The following SUGCT variants were observed in gnomAD, a reference collection of about 807,000 sequenced individuals.
SUGCT encodes succinyl-CoA:glutarate CoA-transferase.
A neutral mutation model predicts 55.0 loss-of-function variants in SUGCT; 41 were observed. The observed-to-expected ratio is 0.74, with a 90% CI of 0.58 to 0.97. The LOEUF is 0.97. Ranked by LOEUF, SUGCT falls within the 50% of genes least tolerant of loss-of-function variation. The pLI, the probability that SUGCT is intolerant of heterozygous loss-of-function variation, is 0.00. For missense variants in SUGCT, 568 were observed against 547.8 expected (o/e 1.04, Z -0.37); for synonymous variants, 187 against 200.4 (o/e 0.93, Z 0.56).
At chr7:40,899,475 C>G in the SUGCT span, among the ~76,000 whole-genome samples, 1 of 152,152 alleles carries the variant, frequency 6.6e-6, no homozygotes, top group Non-Finnish European at 1.5e-5. Flanking sequence ...AGACACGCGA[C>G]TCAAGAGGCA....
chr7:40,137,560 T>A (rs539075865), intron 1 of SUGCT, among the ~76,000 whole-genome samples: 19 of 152,354 alleles, frequency 1.2e-4, no homozygotes, highest in African/African-American at 4.3e-4. Context: ...TTTATTAAAA[T>A]TCAAAAGCCA....
At chr7:40,765,269 T>C (rs1252448415) in intron 13 of SUGCT, among the ~76,000 whole-genome samples, 3 of 152,126 alleles carry the variant, frequency 2.0e-5, no homozygotes, top group South Asian at 4.1e-4. Context: ...AACTGTGGAC[T>C]CTCCAAACCA....
At chr7:41,032,786 A>T in the SUGCT span, among the ~76,000 whole-genome samples, 2,847 of 152,270 alleles carry the variant, frequency 0.019, 93 homozygotes, top group South Asian at 0.16. Flanking sequence ...TTGTTTTGAG[A>T]CGGAGTCTCA....
chr7:40,464,301 CAGAA>C (rs1789979658), intron 11 of SUGCT, among the ~76,000 whole-genome samples: 1 of 152,114 alleles, frequency 6.6e-6, no homozygotes, highest in Non-Finnish European at 1.5e-5. Flanking sequence ...AAAATAAACA[CAGAA>C]AGCATTGATT....
the SUGCT span, among the ~76,000 whole-genome samples, chr7:41,010,308 T>TA: frequency 6.6e-6 from 1 of 152,182 alleles, no homozygotes; most frequent in African/African-American, 2.4e-5. Flanking sequence ...GCCACGTAGA[T>TA]AGACACGAGT....
chr7:40,164,073 GC>G (rs71560175), intron 1 of SUGCT, among the ~76,000 whole-genome samples: 1 of 151,258 alleles, frequency 6.6e-6, no homozygotes. Flanking sequence ...GTCCACCTCG[GC>G]CCCCCAAAGT....
At chr7:40,338,968 C>G (rs1796883988) in intron 9 of SUGCT, among the ~76,000 whole-genome samples, 1 of 152,208 alleles carries the variant, frequency 6.6e-6, no homozygotes, top group Non-Finnish European at 1.5e-5. Context: ...TTCTAACAGT[C>G]AGGATCCTCA....
At chr7:40,406,816 G>A (rs1391733633) in intron 9 of SUGCT, among the ~76,000 whole-genome samples, 2 of 152,068 alleles carry the variant, frequency 1.3e-5, no homozygotes, top group African/African-American at 4.8e-5. Flanking sequence ...AAAGTATACT[G>A]GTTTTTTAGG....
intron 9 of SUGCT, among the ~76,000 whole-genome samples, chr7:40,349,676 A>T (rs1797510637): frequency 6.7e-6 from 1 of 148,572 alleles, no homozygotes; most frequent in Non-Finnish European, 1.5e-5. Context: ...AGTTCTTCTT[A>T]TATGGTTTTT....
chr7:40,465,190 A>G (rs904811894), intron 11 of SUGCT, among the ~76,000 whole-genome samples: 6 of 152,178 alleles, frequency 3.9e-5, no homozygotes, highest in African/African-American at 9.7e-5. Context: ...TAAGTTTTTG[A>G]TTTTTAATTG....
chr7:40,598,815 A>C (rs903786709), intron 12 of SUGCT, among the ~76,000 whole-genome samples: 1 of 151,422 alleles, frequency 6.6e-6, no homozygotes, highest in South Asian at 2.1e-4. Flanking sequence ...ATAGTGTGCA[A>C]ATTTTCAAAC....
chr7:40,368,565 G>A (rs1358462396), intron 9 of SUGCT, among the ~76,000 whole-genome samples: 6 of 152,038 alleles, frequency 3.9e-5, no homozygotes, highest in Admixed American at 6.6e-5. Context: ...GCATAGACTT[G>A]GAATCTTTTG....
chr7:40,143,395 C>T (rs1044043666), intron 1 of SUGCT, among the ~76,000 whole-genome samples: 3 of 152,162 alleles, frequency 2.0e-5, no homozygotes, highest in Admixed American at 6.5e-5. Flanking sequence ...GGGGCTGACC[C>T]GCAGCATGCT....
At chr7:40,709,863 TG>T (rs1444287309) in intron 12 of SUGCT, among the ~76,000 whole-genome samples, 1 of 152,206 alleles carries the variant, frequency 6.6e-6, no homozygotes, top group East Asian at 1.9e-4. Context: ...CTGACAGATC[TG>T]GGGTGAAGCT....
intron 6 of SUGCT, among the ~76,000 whole-genome samples, chr7:40,213,553 A>G (rs750097507): frequency 1.3e-5 from 2 of 151,792 alleles, no homozygotes; most frequent in Non-Finnish European, 2.9e-5. Context: ...TAAATTTACT[A>G]CCCTTCCTTT....
rs147629286 is a variant in SUGCT, at chr7:40,704,019, C to T, written c.1090-45415C>T. Among the ~76,000 whole-genome samples, 66 of 152,250 alleles carry T rather than the reference C, an allele frequency of 4.3e-4. 1 individual carries two copies. The highest frequency in any genetic ancestry group is 1.4e-3 in the African/African-American group (59 of 41,536). ...TGGATCCTCCTTTCTGGAACACTGA[C>T]GAGAATCAAGAAGAGAAAAGTAAAA... On this transcript the variant is annotated intron_variant, in intron 12 of 13. Transcript: ENST00000335693.
At chr7:40,213,570 T>C (rs532596201) in intron 6 of SUGCT, among the ~76,000 whole-genome samples, 3 of 152,286 alleles carry the variant, frequency 2.0e-5, no homozygotes, top group Non-Finnish European at 4.4e-5. Context: ...CTTTTCCATG[T>C]GATATTCTTG....
At chr7:40,418,010 A>G (rs114720167) in intron 9 of SUGCT, among the ~76,000 whole-genome samples, 274 of 152,320 alleles carry the variant, frequency 1.8e-3, no homozygotes, top group African/African-American at 5.9e-3. Flanking sequence ...TCAAAGCTTC[A>G]TGTGATGTCA....
At position 40,475,883 on chromosome 7, in the gene SUGCT, AAATTATCTATC is replaced by A. The variant is rs140716050; in HGVS notation, c.986+16689_986+16699del. 8.1e-3 allele frequency among the ~76,000 whole-genome samples: 1,238 copies of A among 152,304 alleles called. 44 individuals carry two copies. Among genetic ancestry groups the A allele is most frequent in the Admixed American group, 0.058 (892 of 15,280 alleles). On this transcript the variant is annotated intron_variant, in intron 11 of 13. Coordinates refer to ENST00000335693, the MANE Select transcript of SUGCT (RefSeq NM_001193313.2). Reference sequence around the variant, plus strand: ...TAATTGATCTATAAATAAGTCTATCAAATTATCTATCAATCCATCAATTGATTGTTTCATTC... The same window carrying A: ...TAATTGATCTATAAATAAGTCTATCAAATCCATCAATTGATTGTTTCATTC...
Sources: gnomAD v4.1 joint callset for allele counts (sites outside exome capture counted in the v4.1 genomes callset) on GRCh38, gnomAD v4.1.1 for gene constraint, MANE v1.5 for transcripts, NCBI Gene and HGNC (gene_info 2026-07-23, HGNC 2026-07-21) for gene names.